The following UBE3B variants were observed in gnomAD, a reference collection of about 807,000 sequenced individuals.
The protein encoded by UBE3B is ubiquitin protein ligase E3B, also known as ubiquitin-protein ligase E3B.
A neutral mutation model predicts 132.3 loss-of-function variants in UBE3B; 80 were observed. That is an observed-to-expected ratio of 0.60 (90% CI 0.50 to 0.73). The LOEUF (loss-of-function observed/expected upper bound fraction) is 0.73. Ranked by LOEUF, UBE3B falls within the 30% of genes least tolerant of loss-of-function variation. The pLI is 0.00. For synonymous variants in UBE3B, 487 were observed against 520.4 expected (o/e 0.94, Z 0.87); for missense variants, 1,196 against 1,362.5 (o/e 0.88, Z 1.92).
At chr12:109,499,930 T>A in intron 12 of UBE3B, 120 bp downstream of exon 12, 6 of 842,388 alleles carry the variant, frequency 7.1e-6, no homozygotes, top group Non-Finnish European at 9.5e-6. Flanking sequence ...TATGTATTCA[T>A]TATATATTAA....
At chr12:109,546,519 G>A in the UBE3B span, among the ~76,000 whole-genome samples, 2 of 152,244 alleles carry the variant, frequency 1.3e-5, no homozygotes, top group Admixed American at 6.5e-5. Flanking sequence ...CTGTGGGCGT[G>A]AATGAACCAG....
In UBE3B at chr12:109,511,304, G is replaced by T. The variant is rs1304422857; in HGVS notation, c.1956+1G>T. On this transcript the variant is annotated splice_donor_variant, in intron 18 of 27. Transcript: ENST00000342494. LOFTEE classifies it high-confidence loss of function. Reference sequence around the variant, plus strand: ...CCCACATGTCATCCCTCACAAAAACGTGAGTTGCACTCAGAGCTGGGCCCC... The same window carrying T: ...CCCACATGTCATCCCTCACAAAAACTTGAGTTGCACTCAGAGCTGGGCCCC... The T allele has an allele frequency of 2.5e-6, 4 of 1,613,724 alleles. No individual in the cohort carries two copies. The highest frequency in any genetic ancestry group is 1.3e-5 in the African/African-American group (1 of 74,934).
intron 2 of UBE3B, among the ~76,000 whole-genome samples, chr12:109,482,913 A>G (rs1448186134): frequency 2.6e-5 from 4 of 152,254 alleles, no homozygotes; most frequent in Non-Finnish European, 4.4e-5. Flanking sequence ...TATCTTCAAT[A>G]TAATGGACTG....
chr12:109,501,782 A>G (rs1426141996), intron 13 of UBE3B, among the ~76,000 whole-genome samples: 2 of 151,870 alleles, frequency 1.3e-5, no homozygotes, highest in African/African-American at 4.8e-5. Flanking sequence ...CCCAAGTATA[A>G]TAGCTGGGAC....
At chr12:109,509,459 GT>G in intron 15 of UBE3B, 136 bp from the exon 16 acceptor site, 2 of 577,058 alleles carry the variant, frequency 3.5e-6, no homozygotes, top group Non-Finnish European at 6.0e-6. Flanking sequence ...CATTTTATCT[GT>G]AGATTTTACA....
At chr12:109,533,823 C>G in intron 27 of UBE3B, 1 of 967,982 alleles carries the variant, frequency 1.0e-6, no homozygotes, top group Non-Finnish European at 1.5e-6. Flanking sequence ...GGGGTGGGTA[C>G]GTGCTGTTTT....
chr12:109,498,274 C>T lies in UBE3B; in HGVS notation c.861C>T (p.Phe287=). ...VLESHDMLRK[F]IIFLRDQDRC... ...AATCCCATGACATGCTTCGTAAATT[C>T]ATCATATTTTTAAGAGACCAAGATC... Residue 287 remains phenylalanine (F), a synonymous_variant, in exon 11 of 28, where the codon TTC becomes TTT. Transcript: ENST00000342494. The T allele has an allele frequency of 1.2e-6, 2 of 1,614,086 alleles. No homozygotes were observed. Among genetic ancestry groups the T allele is most frequent in the Middle Eastern group, 3.3e-4 (2 of 6,062 alleles).
intron 12 of UBE3B, 79 bp from the exon 13 acceptor site, chr12:109,501,292 C>CCACA: frequency 6.4e-7 from 1 of 1,561,552 alleles, no homozygotes; most frequent in South Asian, 1.1e-5. Context: ...GAGTGGAAGG[C>CCACA]CATTAGGAAC....
At position 109,523,890 on chromosome 12, in the gene UBE3B, G is replaced by C. The variant is rs902729983; in HGVS notation, c.2365-88G>C. On this transcript the variant is annotated intron_variant, in intron 21 of 27. Coordinates refer to ENST00000342494, the MANE Select transcript of UBE3B (RefSeq NM_130466.4). ...GCCTGGAAATGCCGATGGCACCCCT[G>C]GGCCATGTCTGCACCCTGAGCCACC... is the stretch of plus-strand genomic sequence containing the variant. 7.2e-5 allele frequency: 112 copies of C among 1,561,656 alleles called. 4 individuals carry two copies. The East Asian group carries it at 1.1e-3, about 15-fold the overall frequency.
At chr12:109,501,049 G>C (rs1352472503) in intron 12 of UBE3B, among the ~76,000 whole-genome samples, 2 of 152,132 alleles carry the variant, frequency 1.3e-5, no homozygotes, top group African/African-American at 4.8e-5. Context: ...CTGCAAGCCA[G>C]CTATGAGGAG....
chr12:109,489,540 A>C (rs1263079912), intron 7 of UBE3B, among the ~76,000 whole-genome samples: 1 of 152,200 alleles, frequency 6.6e-6, no homozygotes, highest in Non-Finnish European at 1.5e-5. Context: ...AAAATTGTTC[A>C]GTTCTGGGCC....
chr12:109,521,961 G>A lies in UBE3B; in HGVS notation c.2364+410G>A, dbSNP rs544038253. On this transcript the variant is annotated intron_variant, in intron 21 of 27. Transcript: ENST00000342494. The surrounding 1 kb of genome is among the most constrained non-coding windows in gnomAD (Gnocchi z 4.2). ...ATGGCCACACGGAGGCTGGGTCCCC[G>A]TTGTAGGAGGGCAGCATTTTGTGGA... Among the ~76,000 whole-genome samples the A allele has an allele frequency of 3.3e-5, 5 of 152,320 alleles. No homozygotes were observed. The highest frequency in any genetic ancestry group is 3.9e-4 in the East Asian group (2 of 5,188).
In UBE3B at chr12:109,490,800, C is replaced by T. The variant is rs557707482; in HGVS notation, c.631-245C>T. 1.7e-5 allele frequency: 23 copies of T among 1,319,558 alleles called. No individual in the cohort carries two copies. The African/African-American group carries it at 2.1e-4, about 12-fold the overall frequency. The allele number at this position is 1,319,558 out of a possible 1,614,324, so 81.7% of individuals were successfully genotyped here. ...TTTCCTTTTATAAAAACACTGCATA[C>T]GGTTTTTTGTTTTTTTGTTTTTTTG... On this transcript the variant is annotated intron_variant, in intron 8 of 27. Coordinates refer to ENST00000342494, the MANE Select transcript of UBE3B (RefSeq NM_130466.4).
intron 14 of UBE3B, 148 bp from the exon 15 acceptor site, chr12:109,507,416 A>G (rs1592928196): frequency 2.4e-6 from 2 of 831,388 alleles, no homozygotes; most frequent in Non-Finnish European, 3.7e-6. Flanking sequence ...CGTGGTGATA[A>G]TGCTTTTCTC....
At chr12:109,513,410 C>T (rs943800022) in intron 18 of UBE3B, among the ~76,000 whole-genome samples, 1 of 152,168 alleles carries the variant, frequency 6.6e-6, no homozygotes, top group Non-Finnish European at 1.5e-5. Context: ...GCACTACATT[C>T]TTTTTAATGA....
chr12:109,540,015 G>C (rs1883579117), downstream of UBE3B, among the ~76,000 whole-genome samples: 1 of 151,814 alleles, frequency 6.6e-6, no homozygotes, highest in Non-Finnish European at 1.5e-5. Context: ...GAGCCAGCCT[G>C]CTGGAGCCCA....
intron 1 of UBE3B, among the ~76,000 whole-genome samples, chr12:109,479,888 C>A (rs1182829869): frequency 6.6e-6 from 1 of 152,158 alleles, no homozygotes; most frequent in Non-Finnish European, 1.5e-5. Context: ...GGAAGAGGCT[C>A]CCTCTTCCCC....
chr12:109,516,221 G>T (rs898142033), intron 18 of UBE3B, among the ~76,000 whole-genome samples: 1 of 142,060 alleles, frequency 7.0e-6, no homozygotes, highest in Admixed American at 7.4e-5. Flanking sequence ...CCCCAGGCTG[G>T]AGTGCAGTGG....
At position 109,499,676 on chromosome 12, in the gene UBE3B, G is replaced by A. The variant is rs1213910195; in HGVS notation, c.984G>A (p.Glu328=). ...GCTCCCTCAGCCCCAGAGTGTTAGA[G>A]GAGGAGACAGATGGGTTCGTGAGTT... The part of the protein sequence containing the change: ...HLGSLSPRVL[E]EETDGFVSLL... The change falls in exon 12 of 28, where the codon GAG becomes GAA. Residue 328 remains glutamate (E), a synonymous_variant. Transcript: ENST00000342494. The A allele has an allele frequency of 6.2e-7, 1 of 1,612,574 alleles. No individual in the cohort carries two copies. Among genetic ancestry groups the A allele is most frequent in the African/African-American group, 1.3e-5 (1 of 74,728 alleles).
Sources: gnomAD v4.1 joint callset for allele counts (sites outside exome capture counted in the v4.1 genomes callset) on GRCh38, gnomAD v4.1.1 for gene constraint, Gnocchi (gnomAD v3.1) non-coding constraint, MANE v1.5 for transcripts, NCBI Gene and HGNC (gene_info 2026-07-23, HGNC 2026-07-21) for gene names.